The following DMD variants were observed in gnomAD, a reference collection of about 807,000 sequenced individuals.
The protein encoded by DMD is mutant dystrophin.
Under a neutral mutation model 330.1 loss-of-function variants are expected in DMD, and 63 were observed. The observed-to-expected ratio is 0.19, with a 90% confidence interval of 0.16 to 0.24. DMD has a LOEUF of 0.24. Among genes scored for constraint, DMD ranks in the 10% least tolerant of loss-of-function variants. DMD has a pLI of 1.00. For missense variants in DMD, 3,344 were observed against 2,684.1 expected (o/e 1.25, Z -5.43); for synonymous variants, 1,223 against 959.8 (o/e 1.27, Z -5.07).
chrX:33,044,648 T>C (rs1475481998), intron 1 of DMD, among the ~76,000 whole-genome samples: 1 of 112,059 alleles, frequency 8.9e-6, no homozygotes, highest in African/African-American at 3.2e-5. Flanking sequence ...AAATGCTTTA[T>C]GCCCGAGTGC....
intron 7 of DMD, among the ~76,000 whole-genome samples, chrX:32,771,710 C>T (rs16990671): frequency 0.087 from 9,642 of 111,054 alleles, 1,041 homozygotes; most frequent in African/African-American, 0.3. Context: ...AGTTTCTGTA[C>T]CACTTTTGCT....
At chrX:32,307,258 G>A (rs1480503058) in intron 42 of DMD, among the ~76,000 whole-genome samples, 4 of 111,404 alleles carry the variant, frequency 3.6e-5, no homozygotes, top group South Asian at 3.7e-4. Flanking sequence ...TACTGTGTGC[G>A]ATGGGGTCTT....
rs2065122134 is a variant in DMD, at chrX:32,710,821, T to C, written c.650-11528A>G. On this transcript the variant is annotated intron_variant, in intron 7 of 78. Coordinates refer to ENST00000357033, the MANE Select transcript of DMD (RefSeq NM_004006.3). ...AAGATTCAAGTGTGTGAATTCCTTG[T>C]CATCTCACTAAAACTATGAGTCAGC... Among the ~76,000 whole-genome samples, 3 of 111,065 alleles carry C rather than the reference T, an allele frequency of 2.7e-5. No homozygotes were observed. The Admixed American group carries it at 2.9e-4, about 11-fold the overall frequency.
intron 53 of DMD, among the ~76,000 whole-genome samples, chrX:31,659,624 T>G: frequency 1.3e-5 from 1 of 79,028 alleles, no homozygotes; most frequent in South Asian, 6.6e-4. Flanking sequence ...GGCGACAGAG[T>G]GAGACTCCAT....
intron 16 of DMD, among the ~76,000 whole-genome samples, chrX:32,559,866 A>G (rs1227958686): frequency 1.8e-5 from 2 of 111,677 alleles, no homozygotes; most frequent in Non-Finnish European, 3.8e-5. Context: ...GATATAGATG[A>G]TATAGAAGGT....
chrX:32,717,842 G>T (rs767248816), intron 7 of DMD, among the ~76,000 whole-genome samples: 1 of 111,589 alleles, frequency 9.0e-6, no homozygotes, highest in South Asian at 3.7e-4. Flanking sequence ...GATGAGATGT[G>T]GAGTCAAAGG....
chrX:31,840,549 C>CTT (rs1207207240), intron 48 of DMD, among the ~76,000 whole-genome samples: 7,009 of 76,263 alleles, frequency 0.092, 436 homozygotes, highest in East Asian at 0.31. Context: ...GCAGATACTG[C>CTT]TTTTTTTTTT....
At chrX:31,521,705 T>A (rs966145340) in intron 55 of DMD, among the ~76,000 whole-genome samples, 10 of 111,914 alleles carry the variant, frequency 8.9e-5, no homozygotes, top group African/African-American at 3.3e-4. Flanking sequence ...GTTGTAAATC[T>A]CTGCTTGAGT....
At chrX:32,584,002 T>C (rs1023753681) in intron 13 of DMD, among the ~76,000 whole-genome samples, 1 of 111,195 alleles carries the variant, frequency 9.0e-6, no homozygotes, top group Non-Finnish European at 1.9e-5. Context: ...GATATATCAT[T>C]ACGGAGTGAA....
At chrX:32,541,518 C>T (rs1417236574) in intron 17 of DMD, among the ~76,000 whole-genome samples, 3 of 112,166 alleles carry the variant, frequency 2.7e-5, no homozygotes, top group Admixed American at 9.5e-5. Context: ...AAGTAATTTG[C>T]CTGCGCTCAT....
In DMD at chrX:33,166,777, A is replaced by T. The variant is rs185986705; in HGVS notation, c.31+44505T>A. Among the ~76,000 whole-genome samples, 229 of 108,263 alleles carry T rather than the reference A, an allele frequency of 2.1e-3. 3 individuals are homozygous for T. The highest frequency in any genetic ancestry group is 2.2e-3 in the African/African-American group (67 of 30,184). The allele number at this position is 108,263 out of a possible 115,157, so 94.0% of individuals were successfully genotyped here. On this transcript the variant is annotated intron_variant, in intron 1 of 78. Transcript: ENST00000357033. The stretch of plus-strand genomic sequence containing the variant: ...TATACATACATACATATATATATAT[A>T]TATTTTTTTTCCTCAGTGTGTATTC...
intron 16 of DMD, among the ~76,000 whole-genome samples, chrX:32,554,981 G>GAGAA (rs1233919108): frequency 9.4e-6 from 1 of 105,984 alleles, no homozygotes; most frequent in Non-Finnish European, 2.0e-5. Context: ...GAGAGAGAGA[G>GAGAA]AGAAAGAAAG....
intron 30 of DMD, among the ~76,000 whole-genome samples, chrX:32,411,183 T>A: frequency 1.8e-5 from 2 of 111,664 alleles, no homozygotes; most frequent in South Asian, 7.5e-4. Flanking sequence ...CAGGCTGGAG[T>A]ACAGTGGTGC....
At chrX:32,137,278 G>A (rs1276093619) in intron 44 of DMD, among the ~76,000 whole-genome samples, 2 of 111,543 alleles carry the variant, frequency 1.8e-5, no homozygotes, top group African/African-American at 3.3e-5. Context: ...AAAAAGTTGT[G>A]CTAGGAGACA....
At chrX:32,459,725 G>A (rs2098376331) in intron 25 of DMD, among the ~76,000 whole-genome samples, 1 of 110,825 alleles carries the variant, frequency 9.0e-6, no homozygotes, top group Admixed American at 9.6e-5. Context: ...TCTTCCTCTA[G>A]ACTATCAACA....
At chrX:32,849,888 C>T (rs1253042771) in intron 2 of DMD, 68 bp from the exon 3 acceptor site, 11 of 817,915 alleles carry the variant, frequency 1.3e-5, no homozygotes, top group African/African-American at 2.0e-5. Flanking sequence ...CACGATTATC[C>T]CCTTTTGAAA....
intron 41 of DMD, among the ~76,000 whole-genome samples, chrX:32,336,108 G>A (rs1012131944): frequency 5.5e-5 from 6 of 108,951 alleles, no homozygotes; most frequent in Admixed American, 2.9e-4. Flanking sequence ...ATACGTACAT[G>A]TTATATATGT....
chrX:31,776,589 C>CAGGGAGGGAGGGAGGGAGGAAGG (rs1312629971), intron 50 of DMD, among the ~76,000 whole-genome samples: 1 of 66,841 alleles, frequency 1.5e-5, no homozygotes, highest in African/African-American at 6.2e-5. Context: ...AGAAGAAAGT[C>CAGGGAGGGAGGGAGGGAGGAAGG]AGGGAGGGAG....
chrX:32,704,041 G>A (rs1478068230), intron 7 of DMD, among the ~76,000 whole-genome samples: 1 of 111,746 alleles, frequency 8.9e-6, no homozygotes, highest in Admixed American at 9.6e-5. Context: ...AATACTGCTA[G>A]AGATTTTACT....
Sources: allele counts gnomAD v4.1 joint callset (sites outside exome capture counted in the v4.1 genomes callset), GRCh38; gene constraint gnomAD v4.1.1; transcripts MANE v1.5; gene names NCBI Gene and HGNC (gene_info 2026-07-23, HGNC 2026-07-21).